LARGE1: variants seen among roughly 807,000 people sequenced by gnomAD.
LARGE1 encodes the protein xylosyl- and glucuronyltransferase LARGE1.
LARGE1 carries 43 observed loss-of-function variants against 87.6 expected under a neutral mutation model. The observed-to-expected ratio is 0.49, with a 90% CI of 0.38 to 0.63. The LOEUF (loss-of-function observed/expected upper bound fraction) is 0.63, where lower values mean the gene tolerates loss of function less well. Ranked by LOEUF, LARGE1 falls within the 30% of genes least tolerant of loss-of-function variation. The probability of loss-of-function intolerance (pLI) is 0.00; values close to 1 mark genes in which losing one functional copy is unlikely to be tolerated. For missense variants in LARGE1, 802 were observed against 1,000.2 expected, an observed-to-expected ratio of 0.80 and a Z score of 2.67; for synonymous variants, 434 against 394.6, an observed-to-expected ratio of 1.10 and a Z score of -1.18.
intron 7 of LARGE1, among the ~76,000 whole-genome samples, chr22:33,420,920 G>T (rs1328001045): frequency 6.6e-6 from 1 of 152,196 alleles, no homozygotes; most frequent in East Asian, 1.9e-4. Context: ...GGGCGCGGTG[G>T]CTCATGCCTG....
chr22:33,491,814 C>A (rs1301518518), intron 6 of LARGE1, among the ~76,000 whole-genome samples: 1 of 152,102 alleles, frequency 6.6e-6, no homozygotes, highest in East Asian at 1.9e-4. Flanking sequence ...AACTGTCAAA[C>A]TCAAACAGAA....
intron 1 of LARGE1, among the ~76,000 whole-genome samples, chr22:33,878,325 A>AGGCC (rs1362619564): frequency 6.6e-6 from 1 of 151,412 alleles, no homozygotes; most frequent in Non-Finnish European, 1.5e-5. Context: ...TTTAGTATAC[A>AGGCC]AATACATATT....
chr22:33,382,983 C>T (rs1367095117), intron 8 of LARGE1, among the ~76,000 whole-genome samples: 1 of 152,158 alleles, frequency 6.6e-6, no homozygotes, highest in Non-Finnish European at 1.5e-5. Flanking sequence ...GTAAAGTAAT[C>T]ATGCAGGGTT....
chr22:33,817,398 G>A (rs1038872963), intron 1 of LARGE1, among the ~76,000 whole-genome samples: 1 of 152,076 alleles, frequency 6.6e-6, no homozygotes, highest in Non-Finnish European at 1.5e-5. Context: ...AGTCAGTACT[G>A]CCACCCCATT....
intron 5 of LARGE1, among the ~76,000 whole-genome samples, chr22:33,577,623 C>T (rs2078392959): frequency 6.6e-6 from 1 of 152,238 alleles, no homozygotes; most frequent in Non-Finnish European, 1.5e-5. Flanking sequence ...AGAAGCCCCA[C>T]ACTGCTCTAC....
intron 7 of LARGE1, among the ~76,000 whole-genome samples, chr22:33,412,608 T>G (rs1397801513): frequency 1.3e-5 from 2 of 152,230 alleles, no homozygotes; most frequent in African/African-American, 4.8e-5. Context: ...CCTTTGTTTT[T>G]CAAATGACAT....
At chr22:33,766,885 T>C (rs2084916647) in intron 1 of LARGE1, among the ~76,000 whole-genome samples, 1 of 117,688 alleles carries the variant, frequency 8.5e-6, no homozygotes, top group South Asian at 3.1e-4. Flanking sequence ...TATCTTTTGG[T>C]ATAGAATATG....
chr22:33,089,321 T>TTTCTTCTTCTTCTTC, the LARGE1 span, among the ~76,000 whole-genome samples: 1,228 of 86,992 alleles, frequency 0.014, 19 homozygotes, highest in Middle Eastern at 0.067. Context: ...TTCTTTCTTC[T>TTTCTTCTTCTTCTTC]TTCTTCTTCT....
chr22:33,800,198 T>C (rs2086116342), intron 1 of LARGE1, among the ~76,000 whole-genome samples: 1 of 152,214 alleles, frequency 6.6e-6, no homozygotes. Flanking sequence ...CCTACCTCCC[T>C]GTGTGTTTTT....
At chr22:33,067,764 G>A in the LARGE1 span, among the ~76,000 whole-genome samples, 3 of 152,224 alleles carry the variant, frequency 2.0e-5, no homozygotes, top group East Asian at 1.9e-4. Flanking sequence ...GATGGATCAC[G>A]AGGTCAGGAG....
chr22:33,458,586 C>T (rs1014740598), intron 6 of LARGE1, among the ~76,000 whole-genome samples: 3 of 151,776 alleles, frequency 2.0e-5, no homozygotes, highest in East Asian at 1.9e-4. Context: ...CCACCATGCC[C>T]GGCTAATGTT....
rs146277971 is a variant in LARGE1, at chr22:33,601,943, C to G, written c.615+2492G>C. Among the ~76,000 whole-genome samples the G allele has an allele frequency of 3.1e-3, 470 of 152,280 alleles. 1 individual carries two copies. Among genetic ancestry groups the G allele is most frequent in the East Asian group, 0.03 (157 of 5,184 alleles). On this transcript the variant is annotated intron_variant, in intron 5 of 14. Coordinates refer to ENST00000397394, the MANE Select transcript of LARGE1 (RefSeq NM_133642.5). The stretch of plus-strand genomic sequence containing the variant: ...CATCAGTGTTTCCTCCCCTTCTCCC[C>G]TTTCATCCGAGACCTCATGGAAGGG...
At chr22:33,347,794 C>A (rs1220843343) in intron 9 of LARGE1, among the ~76,000 whole-genome samples, 1 of 152,008 alleles carries the variant, frequency 6.6e-6, no homozygotes, top group East Asian at 1.9e-4. Flanking sequence ...GGTGTTTGAA[C>A]CTAAGTACTT....
At chr22:33,419,840 A>G (rs1368166240) in intron 7 of LARGE1, among the ~76,000 whole-genome samples, 2 of 151,990 alleles carry the variant, frequency 1.3e-5, no homozygotes, top group African/African-American at 4.8e-5. Context: ...ACAGGCGCCT[A>G]CCACCATCAC....
At chr22:33,442,665 C>T (rs998292519) in intron 6 of LARGE1, among the ~76,000 whole-genome samples, 2 of 152,072 alleles carry the variant, frequency 1.3e-5, no homozygotes, top group Non-Finnish European at 2.9e-5. Flanking sequence ...CAAGAACATC[C>T]CCATACTTGT....
intron 10 of LARGE1, among the ~76,000 whole-genome samples, chr22:33,322,005 G>C (rs1022920865): frequency 6.6e-6 from 1 of 152,148 alleles, no homozygotes; most frequent in Non-Finnish European, 1.5e-5. Flanking sequence ...TTTTAGTAGA[G>C]ACAGAGTTTC....
intron 1 of LARGE1, among the ~76,000 whole-genome samples, chr22:33,891,766 C>T (rs2065012608): frequency 6.6e-6 from 1 of 152,226 alleles, no homozygotes; most frequent in African/African-American, 2.4e-5. Context: ...TCTCTGACAG[C>T]AGCGTAGCTT....
intron 1 of LARGE1, among the ~76,000 whole-genome samples, chr22:33,806,742 T>C (rs76368579): frequency 0.023 from 3,507 of 152,226 alleles, 61 homozygotes; most frequent in Middle Eastern, 0.051. Flanking sequence ...CCGGGCGTGA[T>C]GGCTCATGCC....
intron 6 of LARGE1, among the ~76,000 whole-genome samples, chr22:33,471,878 C>T (rs1206032926): frequency 1.3e-5 from 2 of 152,160 alleles, no homozygotes; most frequent in African/African-American, 4.8e-5. Flanking sequence ...GGTGAAACCC[C>T]GTCTCTACTA....
Sources: gnomAD v4.1 joint callset for allele counts (sites outside exome capture counted in the v4.1 genomes callset) on GRCh38, gnomAD v4.1.1 for gene constraint, MANE v1.5 for transcripts, NCBI Gene and HGNC (gene_info 2026-07-23, HGNC 2026-07-21) for gene names.